The following ELP5 variants were observed in gnomAD, a reference collection of about 807,000 sequenced individuals.
ELP5 encodes elongator acetyltransferase complex subunit 5, also known as elongator complex protein 5.
ELP5 carries 34 observed loss-of-function variants against 33.4 expected under a neutral mutation model. The observed-to-expected ratio is 1.02, with a 90% CI of 0.78 to 1.36. The LOEUF is 1.36. Ranked by LOEUF, ELP5 falls within the 40% of genes most tolerant of loss-of-function variation. The probability of loss-of-function intolerance (pLI) is 0.00; values close to 1 mark genes in which losing one functional copy is unlikely to be tolerated. For synonymous variants in ELP5, 161 were observed against 146.4 expected (o/e 1.10, Z -0.72); for missense variants, 373 against 371.7 (o/e 1.00, Z -0.03).
At position 7,252,448 on chromosome 17, in the gene ELP5, G is replaced by A; in HGVS notation, c.-103G>A. ...CAGACTATGTTAGGTCTTAATGGTGGGAGGACGCCCGAGTGCTCGGCCCGT... is the reference window on the plus strand; with the variant it reads ...CAGACTATGTTAGGTCTTAATGGTGAGAGGACGCCCGAGTGCTCGGCCCGT... On this transcript the variant is annotated 5_prime_UTR_variant, in exon 1 of 8. Coordinates refer to ENST00000396628, the MANE Select transcript of ELP5 (RefSeq NM_203414.3). 6.4e-7 allele frequency: 1 copy of A among 1,551,514 alleles called. No homozygotes were observed. Among genetic ancestry groups the A allele is most frequent in the South Asian group, 1.1e-5 (1 of 87,884 alleles).
chr17:7,259,355 A>T (rs918761701), intron 7 of ELP5: 4 of 1,402,688 alleles, frequency 2.9e-6, no homozygotes, highest in Non-Finnish European at 3.7e-6. Flanking sequence ...GCTGCTAGGA[A>T]CTTACGGTTT....
At chr17:7,258,778 A>G (rs772589728) in intron 6 of ELP5, 48 bp from the exon 7 acceptor site, 1 of 1,614,146 alleles carries the variant, frequency 6.2e-7, no homozygotes, top group Non-Finnish European at 8.5e-7. Context: ...GGGTGGGGTC[A>G]GGGATTCTAG....
Position 7,252,265 on chromosome 17 carries a change from C to G in ELP5, c.-286C>G, listed in dbSNP as rs995857024. ...CGGGGGGCTTGTGGGTCCTCCTCCC[C>G]CTCCCACTGACAACTGCCCCAACTG... is the stretch of plus-strand genomic sequence containing the variant. On this transcript the variant is annotated 5_prime_UTR_variant, in exon 1 of 8. Transcript: ENST00000396628. The G allele has an allele frequency of 1.6e-5, 8 of 515,996 alleles. No individual in the cohort carries two copies. Among genetic ancestry groups the G allele is most frequent in the Admixed American group, 3.2e-5 (1 of 31,032 alleles). The allele number at this position is 515,996 out of a possible 1,614,324, so 32.0% of individuals were successfully genotyped here.
rs144985677 is a variant in ELP5 at position 7,258,827 on chromosome 17, T to G, written c.689T>G (p.Val230Gly). ...TGGCAGCATCCTTTGTACCTACAGG[T>G]GGATCCCACAACTCATTTGACCTTT... ...QPYSDPHIPP[V>G]DPTTHLTFNL... Residue 230 changes from valine to glycine, a missense_variant and splice_region_variant, in exon 7 of 8, where the codon GTG (valine) becomes GGG (glycine). Coordinates refer to ENST00000396628, the MANE Select transcript of ELP5 (RefSeq NM_203414.3). 7 of 1,613,996 alleles carry G rather than the reference T, an allele frequency of 4.3e-6. No individual in the cohort carries two copies. Among genetic ancestry groups the G allele is most frequent in the African/African-American group, 4.0e-5 (3 of 74,874 alleles).
chr17:7,255,613 T>C (rs2072059233), intron 4 of ELP5, among the ~76,000 whole-genome samples: 3 of 151,962 alleles, frequency 2.0e-5, no homozygotes. Flanking sequence ...AGCCTTGAAG[T>C]GCACTGTGGG....
In ELP5 at chr17:7,259,705, T is replaced by C; in HGVS notation, c.*20T>C. The C allele has an allele frequency of 6.2e-7, 1 of 1,614,012 alleles. No individual in the cohort carries two copies. The highest frequency in any genetic ancestry group is 1.3e-5 in the African/African-American group (1 of 75,020). On this transcript the variant is annotated 3_prime_UTR_variant, in exon 8 of 8. Coordinates refer to ENST00000396628, the MANE Select transcript of ELP5 (RefSeq NM_203414.3). Reference sequence around the variant, plus strand: ...ATTTGACTGGCCAGATTTGATTAGATTGTAATTGGAGGGGGCGCGGGAAGA... The same window carrying C: ...ATTTGACTGGCCAGATTTGATTAGACTGTAATTGGAGGGGGCGCGGGAAGA...
intron 4 of ELP5, among the ~76,000 whole-genome samples, chr17:7,255,438 G>T (rs561684229): frequency 7.2e-4 from 109 of 152,054 alleles, no homozygotes; most frequent in African/African-American, 2.4e-3. Flanking sequence ...TGAGGCAGGA[G>T]AATGGCGTGA....
chr17:7,259,397 C>T, intron 7 of ELP5, 174 bp from the exon 8 acceptor site: 1 of 1,436,318 alleles, frequency 7.0e-7, no homozygotes. Flanking sequence ...GTATCTATCC[C>T]AGTACCAAAT....
chr17:7,253,006 C>G lies in ELP5; in HGVS notation c.188+8C>G, dbSNP rs758079720. 6.2e-7 allele frequency: 1 copy of G among 1,613,626 alleles called. No homozygotes were observed. Among genetic ancestry groups the G allele is most frequent in the Non-Finnish European group, 8.5e-7 (1 of 1,179,580 alleles). On this transcript the variant is annotated splice_region_variant and intron_variant, in intron 3 of 7. Transcript: ENST00000396628. Reference sequence around the variant, plus strand: ...CTCTGATATCAACAATCGGTAAGTACCAGTTGGAAGAGATTTGATTAAATT... The same window carrying G: ...CTCTGATATCAACAATCGGTAAGTAGCAGTTGGAAGAGATTTGATTAAATT...
At position 7,252,826 on chromosome 17, in the gene ELP5, C is replaced by G; in HGVS notation, c.103C>G (p.Leu35Val). The stretch of plus-strand genomic sequence containing the variant: ...GAAGGCGCTTGTCAAGAAATCTGCA[C>G]TGTGGTGAGTATCCCACAGTGTCTC... Reference protein sequence around the residue: ...LLKALVKKSALCGEQVHILGC... With the variant: ...LLKALVKKSAVCGEQVHILGC... Residue 35 changes from leucine (L) to valine (V), a missense_variant, in exon 2 of 8, where the codon CTG (leucine) becomes GTG (valine). Transcript: ENST00000396628. 1 of 1,614,244 alleles carries G rather than the reference C, an allele frequency of 6.2e-7. No individual in the cohort carries two copies. The highest frequency in any genetic ancestry group is 8.5e-7 in the Non-Finnish European group (1 of 1,180,034).
intron 7 of ELP5, 112 bp downstream of exon 7, chr17:7,259,038 C>G: frequency 6.6e-7 from 1 of 1,516,912 alleles, no homozygotes; most frequent in Non-Finnish European, 8.8e-7. Context: ...GACTGAAGTC[C>G]ACCTCCAGAG....
intron 3 of ELP5, among the ~76,000 whole-genome samples, chr17:7,253,685 C>T (rs1460092401): frequency 6.6e-6 from 1 of 152,118 alleles, no homozygotes; most frequent in African/African-American, 2.4e-5. Context: ...GTGATAGAGG[C>T]GGTGGTGTAT....
At chr17:7,259,081 C>CTA in intron 7 of ELP5, 155 bp downstream of exon 7, 2 of 1,463,258 alleles carry the variant, frequency 1.4e-6, no homozygotes, top group Non-Finnish European at 1.8e-6. Flanking sequence ...CCCATTCCCC[C>CTA]TATAATGGCA....
At position 7,252,932 on chromosome 17, in the gene ELP5, A is replaced by G; in HGVS notation, c.122A>G (p.His41Arg). The G allele has an allele frequency of 6.2e-7, 1 of 1,614,190 alleles. No homozygotes were observed. Among genetic ancestry groups the G allele is most frequent in the Non-Finnish European group, 8.5e-7 (1 of 1,180,030 alleles). Residue 41 changes from histidine to arginine, a missense_variant, in exon 3 of 8, where the codon CAT becomes CGT. Physicochemically the swap from His to Arg is conservative, Grantham distance 29 (BLOSUM62 0). Transcript: ENST00000396628. Reference protein sequence around the residue: ...KKSALCGEQVHILGCEVSEEE... With the variant: ...KKSALCGEQVRILGCEVSEEE... ...CTCTGCCTTAGTGGGGAGCAAGTGC[A>G]TATCCTGGGCTGTGAAGTGAGCGAG...
intron 4 of ELP5, among the ~76,000 whole-genome samples, chr17:7,255,211 C>T (rs1305562915): frequency 1.3e-5 from 2 of 151,786 alleles, no homozygotes; most frequent in Non-Finnish European, 2.9e-5. Flanking sequence ...ATGATACAGG[C>T]ATGCACAGGG....
In ELP5 at chr17:7,258,579, TC is replaced by T. The variant is rs2072132385; in HGVS notation, c.592-8del. The T allele has an allele frequency of 2.5e-6, 4 of 1,612,300 alleles. No individual in the cohort carries two copies. The East Asian group carries it at 8.9e-5, about 36-fold the overall frequency. ...AGATGAAAAAAACTCTTTTCTTTTTTCTCTCCAGACTCAGTGGTTCTCCATC... is the reference window on the plus strand; with the variant it reads ...AGATGAAAAAAACTCTTTTCTTTTTTTCTCCAGACTCAGTGGTTCTCCATC... On this transcript the variant is annotated splice_region_variant and splice_polypyrimidine_tract_variant and intron_variant, in intron 5 of 7. Coordinates refer to ENST00000396628, the MANE Select transcript of ELP5 (RefSeq NM_203414.3).
rs1261732375 is a variant in ELP5, at chr17:7,252,259, C to T, written c.-292C>T. On this transcript the variant is annotated 5_prime_UTR_variant, in exon 1 of 8. Transcript: ENST00000396628. The stretch of plus-strand genomic sequence containing the variant: ...CCCTCGCGGGGGGCTTGTGGGTCCT[C>T]CTCCCCCTCCCACTGACAACTGCCC... The T allele has an allele frequency of 4.0e-6, 2 of 506,088 alleles. No homozygotes were observed. The highest frequency in any genetic ancestry group is 3.7e-5 in the East Asian group (1 of 26,810). 31.3% of individuals were successfully genotyped at this position (506,088 alleles called of 1,614,324 possible).
At chr17:7,253,662 A>G (rs1474579946) in intron 3 of ELP5, among the ~76,000 whole-genome samples, 1 of 152,204 alleles carries the variant, frequency 6.6e-6, no homozygotes, top group African/African-American at 2.4e-5. Flanking sequence ...CCAATTTTGC[A>G]TCAGCCATTG....
chr17:7,259,026 G>T, intron 7 of ELP5, 100 bp downstream of exon 7: 1 of 1,541,566 alleles, frequency 6.5e-7, no homozygotes, highest in Non-Finnish European at 8.7e-7. Flanking sequence ...TGACTTTATA[G>T]GGACTGAAGT....
Sources: gnomAD v4.1 joint callset for allele counts (sites outside exome capture counted in the v4.1 genomes callset) on GRCh38, gnomAD v4.1.1 for gene constraint, MANE v1.5 for transcripts, NCBI Gene and HGNC (gene_info 2026-07-23, HGNC 2026-07-21) for gene names.